GTPBP4: variants seen among roughly 807,000 people sequenced by gnomAD.
GTPBP4 encodes GTP binding protein 4.
In GTPBP4, 15 loss-of-function variants were observed where a neutral mutation model predicts 81.7. The ratio of observed to expected loss-of-function variants is 0.18; its 90% CI spans 0.12 to 0.28. GTPBP4 has a LOEUF of 0.28. Among genes scored for constraint, GTPBP4 ranks in the 10% least tolerant of loss-of-function variants. The probability of loss-of-function intolerance (pLI) is 1.00; values close to 1 mark genes in which losing one functional copy is unlikely to be tolerated. For synonymous variants in GTPBP4, 272 were observed against 274.6 expected, an observed-to-expected ratio of 0.99 and a Z score of 0.09; for missense variants, 847 against 793.8, an observed-to-expected ratio of 1.07 and a Z score of -0.81.
chr10:988,638 C>T (rs1409927950), intron 1 of GTPBP4, 111 bp downstream of exon 1: 2 of 792,976 alleles, frequency 2.5e-6, no homozygotes, highest in Admixed American at 2.0e-5. Context: ...GCTCGCCCAT[C>T]CCCCGCTCCT....
intron 8 of GTPBP4, among the ~76,000 whole-genome samples, chr10:1,004,681 G>A (rs1831693424): frequency 6.6e-6 from 1 of 152,158 alleles, no homozygotes; most frequent in East Asian, 1.9e-4. Flanking sequence ...TTACCAGGAG[G>A]CAGGGTACCG....
chr10:1,010,444 C>T lies in GTPBP4; in HGVS notation c.1268C>T (p.Ser423Phe), dbSNP rs376039038. 6.4e-7 allele frequency: 1 copy of T among 1,568,674 alleles called. No individual in the cohort carries two copies. Among genetic ancestry groups the T allele is most frequent in the South Asian group, 1.1e-5 (1 of 90,092 alleles). ...GAGTACTGGGATTTAATGAATTTGT[C>T]TGAAAAACATGATAAGATACCAGAA... ...LQKYWDLMNL[S>F]EKHDKIPEIW... is the part of the protein sequence containing the mutation. The change falls in exon 13 of 17, where the codon TCT (serine) becomes TTT (phenylalanine). Residue 423 changes from serine to phenylalanine, a missense_variant. Ser to Phe is a radical substitution (Grantham distance 155, BLOSUM62 -2). Around this residue, in one of 3 missense-constraint regions of GTPBP4, gnomAD observed 600 missense variants for 557.1 expected, o/e 1.08. Transcript: ENST00000360803.
chr10:1,008,175 G>C, intron 10 of GTPBP4: 1 of 453,438 alleles, frequency 2.2e-6, no homozygotes, highest in Admixed American at 2.4e-5. Flanking sequence ...CACTCTGGGA[G>C]GCCGAGGCGG....
At chr10:1,000,216 A>G (rs1442596355) in intron 6 of GTPBP4, among the ~76,000 whole-genome samples, 1 of 117,602 alleles carries the variant, frequency 8.5e-6, no homozygotes, top group African/African-American at 3.1e-5. Context: ...ATTTTGTGGT[A>G]TTCAGTTTGG....
At chr10:995,156 A>G (rs944457202) in intron 2 of GTPBP4, among the ~76,000 whole-genome samples, 7 of 152,186 alleles carry the variant, frequency 4.6e-5, no homozygotes, top group African/African-American at 1.7e-4. Context: ...ATGCATTAGT[A>G]AAATGTAGAC....
Position 996,115 on chromosome 10 carries a change from A to C in GTPBP4, c.333A>C (p.Lys111Asn). 6.2e-7 allele frequency: 1 copy of C among 1,605,698 alleles called. No individual in the cohort carries two copies. The highest frequency in any genetic ancestry group is 8.5e-7 in the Non-Finnish European group (1 of 1,174,266). Residue 111 changes from lysine (K) to asparagine (N), a missense_variant, in exon 4 of 17, where the codon AAA (lysine) becomes AAC (asparagine). Lys to Asn is a moderately conservative substitution (Grantham distance 94). Coordinates refer to ENST00000360803, the MANE Select transcript of GTPBP4 (RefSeq NM_012341.3). ...IAKNLVDNVA[K>N]DYVRLMKYGD... ...TTTTTATTTTTTACAGTGTTGCTAAAGATTATGTGCGACTGATGAAGTATG... is the reference window on the plus strand; with the variant it reads ...TTTTTATTTTTTACAGTGTTGCTAACGATTATGTGCGACTGATGAAGTATG...
At chr10:1,008,229 A>G (rs75153096) in intron 10 of GTPBP4, 6 of 436,602 alleles carry the variant, frequency 1.4e-5, no homozygotes, top group Admixed American at 1.3e-4. Context: ...CCTGGCAATC[A>G]TGGTGAAACC....
Position 1,013,625 on chromosome 10 carries a change from T to A in GTPBP4, c.1543-622T>A, listed in dbSNP as rs80010777. Among the ~76,000 whole-genome samples, 544 of 151,352 alleles carry A rather than the reference T, an allele frequency of 3.6e-3. 7 individuals are homozygous for A. The highest frequency in any genetic ancestry group is 9.9e-3 in the African/African-American group (408 of 41,274). Reference sequence around the variant, plus strand: ...ACTCCATCTCAAAAAATAAAAAATTTAAAAAAAAATCTGGACTCTTTAGCA... The same window carrying A: ...ACTCCATCTCAAAAAATAAAAAATTAAAAAAAAAATCTGGACTCTTTAGCA... On this transcript the variant is annotated intron_variant, in intron 14 of 16. Coordinates refer to ENST00000360803, the MANE Select transcript of GTPBP4 (RefSeq NM_012341.3).
At chr10:1,012,130 T>C (rs1831889210) in intron 13 of GTPBP4, among the ~76,000 whole-genome samples, 3 of 152,238 alleles carry the variant, frequency 2.0e-5, no homozygotes, top group Admixed American at 1.3e-4. Flanking sequence ...GTCTCAGGAC[T>C]GAGTTCCTTG....
intron 15 of GTPBP4, 52 bp downstream of exon 15, chr10:1,014,364 TAAAG>T (rs757183891): frequency 4.7e-5 from 62 of 1,330,100 alleles, no homozygotes; most frequent in African/African-American, 7.2e-5. Context: ...ACCTTTTTAA[TAAAG>T]AAAACTGGCC....
Position 1,007,042 on chromosome 10 carries a change from C to G in GTPBP4, c.1027C>G (p.Arg343Gly). Residue 343 changes from arginine to glycine, a missense_variant, in exon 10 of 17, where the codon CGA (arginine) becomes GGA (glycine). Coordinates refer to ENST00000360803, the MANE Select transcript of GTPBP4 (RefSeq NM_012341.3). ...GGCTTGCGATAGGCTTTTGGCTCATCGAGTGGAAACCAAAATGAAGGGAAA... is the reference window on the plus strand; with the variant it reads ...GGCTTGCGATAGGCTTTTGGCTCATGGAGTGGAAACCAAAATGAAGGGAAA... The part of the protein sequence containing the change: ...TEACDRLLAH[R>G]VETKMKGNKV... 1.2e-6 allele frequency: 2 copies of G among 1,611,536 alleles called. No homozygotes were observed. The highest frequency in any genetic ancestry group is 1.7e-6 in the Non-Finnish European group (2 of 1,177,678).
chr10:1,004,126 T>G (rs1292631826), intron 8 of GTPBP4, among the ~76,000 whole-genome samples: 1 of 152,112 alleles, frequency 6.6e-6, no homozygotes, highest in Non-Finnish European at 1.5e-5. Flanking sequence ...AGAGCTGTAC[T>G]TCAGAAACCT....
intron 8 of GTPBP4, among the ~76,000 whole-genome samples, chr10:1,002,321 C>T (rs1831649948): frequency 6.6e-6 from 1 of 152,088 alleles, no homozygotes. Context: ...ATTATTGACC[C>T]CTTTTATTAT....
At chr10:1,008,577 A>C (rs1195854313) in intron 10 of GTPBP4, among the ~76,000 whole-genome samples, 1 of 152,156 alleles carries the variant, frequency 6.6e-6, no homozygotes, top group Non-Finnish European at 1.5e-5. Context: ...TCTTATATGC[A>C]CTTGAGTTTA....
intron 8 of GTPBP4, among the ~76,000 whole-genome samples, chr10:1,001,930 T>A (rs1037089527): frequency 9.0e-6 from 1 of 111,514 alleles, no homozygotes; most frequent in African/African-American, 3.1e-5. Flanking sequence ...ATTTTATTTT[T>A]GTTTTTTTTT....
chr10:991,835 A>G (rs1195928673), intron 1 of GTPBP4, among the ~76,000 whole-genome samples: 3 of 149,122 alleles, frequency 2.0e-5, no homozygotes, highest in African/African-American at 7.4e-5. Context: ...AGCTGGGACT[A>G]CAGGTGCCCG....
Position 1,012,642 on chromosome 10 carries a change from A to T in GTPBP4, c.1522A>T (p.Met508Leu), listed in dbSNP as rs1411783763. ...SKEKNTQGPRMPRTAKKVQRT... is the reference protein window; with the variant it reads ...SKEKNTQGPRLPRTAKKVQRT... ...AGAAAAGAATACACAGGGACCCAGG[A>T]TGCCGCGAACTGCTAAGAAGGCAAG... Residue 508 changes from methionine to leucine, a missense_variant, in exon 14 of 17, where the codon ATG becomes TTG. Physicochemically the swap from Met to Leu is conservative, Grantham distance 15. Coordinates refer to ENST00000360803, the MANE Select transcript of GTPBP4 (RefSeq NM_012341.3). The T allele has an allele frequency of 6.2e-7, 1 of 1,613,344 alleles. No homozygotes were observed. Among genetic ancestry groups the T allele is most frequent in the Non-Finnish European group, 8.5e-7 (1 of 1,179,566 alleles).
rs149724235 is a variant in GTPBP4 at position 998,192 on chromosome 10, C to T, written c.562-811C>T. On this transcript the variant is annotated intron_variant, in intron 5 of 16. Transcript: ENST00000360803. ...ATGGCTCGCTGCAGCCTCAACCTTC[C>T]GGGCCCAAACAGTCCTCCCACCTCA... is the stretch of plus-strand genomic sequence containing the variant. Among the ~76,000 whole-genome samples, 319 of 152,232 alleles carry T rather than the reference C, an allele frequency of 2.1e-3. 2 individuals are homozygous for T. The highest frequency in any genetic ancestry group is 7.3e-3 in the African/African-American group (303 of 41,530).
intron 4 of GTPBP4, 52 bp downstream of exon 4, chr10:996,294 C>A: frequency 6.5e-7 from 1 of 1,532,876 alleles, no homozygotes; most frequent in Non-Finnish European, 8.9e-7. Context: ...TGAGAGGATG[C>A]GTCCTTGTTG....
Sources: allele counts gnomAD v4.1 joint callset (sites outside exome capture counted in the v4.1 genomes callset), GRCh38; gene constraint gnomAD v4.1.1; regional missense constraint gnomAD v4.1.1; transcripts MANE v1.5; gene names NCBI Gene and HGNC (gene_info 2026-07-23, HGNC 2026-07-21).